NOX5: variants seen among roughly 807,000 people sequenced by gnomAD.
NOX5 encodes the protein NADPH oxidase, EF-hand calcium binding domain 5.
A neutral mutation model predicts 85.7 loss-of-function variants in NOX5; 76 were observed. The ratio of observed to expected loss-of-function variants is 0.89; its 90% CI spans 0.74 to 1.07. The LOEUF (loss-of-function observed/expected upper bound fraction) is 1.07. Among genes scored for constraint, NOX5 ranks in the 50% least tolerant of loss-of-function variants. The pLI, the probability that NOX5 is intolerant of heterozygous loss-of-function variation, is 0.00. For missense variants in NOX5, 973 were observed against 999.5 expected (o/e 0.97, Z 0.36); for synonymous variants, 405 against 401.4 (o/e 1.01, Z -0.11).
intron 14 of NOX5, 75 bp downstream of exon 14, chr15:69,049,133 T>C (rs2140278381): frequency 1.1e-6 from 1 of 923,836 alleles, no homozygotes. Flanking sequence ...AATAATTTAT[T>C]GATATGAAAC....
chr15:69,041,898 C>A (rs189406796), intron 9 of NOX5, among the ~76,000 whole-genome samples: 1 of 151,460 alleles, frequency 6.6e-6, no homozygotes, highest in South Asian at 2.1e-4. Flanking sequence ...AGTTCATCAG[C>A]TATTGTTAGT....
Position 69,026,511 on chromosome 15 carries a change from T to C in NOX5, c.51-17T>C. 4.3e-6 allele frequency: 7 copies of C among 1,613,938 alleles called. No individual in the cohort carries two copies. The highest frequency in any genetic ancestry group is 5.9e-6 in the Non-Finnish European group (7 of 1,179,894). ...TGGCCACCCCAAGCCCATAAACCTGTTTCCTTTGCCTCCCAGCACCATGAG... is the reference window on the plus strand; with the variant it reads ...TGGCCACCCCAAGCCCATAAACCTGCTTCCTTTGCCTCCCAGCACCATGAG... On this transcript the variant is annotated splice_polypyrimidine_tract_variant and intron_variant, in intron 1 of 15. Transcript: ENST00000388866.
chr15:69,032,172 C>G (rs1018332691), intron 4 of NOX5, among the ~76,000 whole-genome samples: 4 of 152,232 alleles, frequency 2.6e-5, no homozygotes, highest in African/African-American at 9.6e-5. Flanking sequence ...AATGTTTGAG[C>G]AGCTTCTATG....
intron 14 of NOX5, among the ~76,000 whole-genome samples, chr15:69,050,460 G>A (rs1463910896): frequency 2.0e-5 from 3 of 151,974 alleles, no homozygotes; most frequent in Admixed American, 1.3e-4. Context: ...GTGCAATCTC[G>A]GCTCACTGCA....
intron 11 of NOX5, 57 bp downstream of exon 11, chr15:69,046,923 G>A: frequency 6.3e-7 from 1 of 1,582,136 alleles, no homozygotes; most frequent in Non-Finnish European, 8.7e-7. Context: ...CAAAGGAAAT[G>A]AAGTCTTTGC....
chr15:69,026,159 A>T (rs1226752380), intron 1 of NOX5, among the ~76,000 whole-genome samples: 1 of 152,252 alleles, frequency 6.6e-6, no homozygotes, highest in African/African-American at 2.4e-5. Flanking sequence ...TTTGGAAAGC[A>T]GTAAAGATCT....
At chr15:69,018,243 G>A (rs2050254381) in intron 1 of NOX5, among the ~76,000 whole-genome samples, 2 of 152,120 alleles carry the variant, frequency 1.3e-5, no homozygotes, top group Admixed American at 1.3e-4. Context: ...TGGGCAAGGA[G>A]GCTGCAGGGC....
At chr15:69,043,125 T>C (rs1310592098) in intron 10 of NOX5, among the ~76,000 whole-genome samples, 1 of 152,232 alleles carries the variant, frequency 6.6e-6, no homozygotes, top group Non-Finnish European at 1.5e-5. Context: ...GCATGTCTTT[T>C]GGTTTGTTCA....
chr15:69,016,305 C>T (rs749398108), intron 1 of NOX5, among the ~76,000 whole-genome samples: 13 of 152,224 alleles, frequency 8.5e-5, no homozygotes, highest in Non-Finnish European at 1.6e-4. Flanking sequence ...TGCCTCATCT[C>T]ACCCCCCTCC....
chr15:69,047,059 C>A, intron 11 of NOX5, 193 bp downstream of exon 11: 1 of 618,230 alleles, frequency 1.6e-6, no homozygotes, highest in Non-Finnish European at 2.8e-6. Context: ...GGGTGCTCAG[C>A]CTCACCCTCA....
chr15:69,033,459 A>G (rs2050468559), intron 5 of NOX5, among the ~76,000 whole-genome samples, 182 bp downstream of exon 5: 2 of 152,208 alleles, frequency 1.3e-5, no homozygotes, highest in Admixed American at 1.3e-4. Context: ...TAGCTTGTCC[A>G]CAGTCACACA....
chr15:69,052,046 T>C (rs2050755914), intron 14 of NOX5, among the ~76,000 whole-genome samples: 1 of 152,050 alleles, frequency 6.6e-6, no homozygotes, highest in East Asian at 1.9e-4. Flanking sequence ...ATGCTGTCTC[T>C]ACAAAAAATG....
chr15:69,026,192 C>A (rs999284935), intron 1 of NOX5, among the ~76,000 whole-genome samples: 2 of 152,202 alleles, frequency 1.3e-5, no homozygotes, highest in Non-Finnish European at 2.9e-5. Context: ...GATGGAAAGT[C>A]ATTGTCATGA....
chr15:69,017,123 A>G (rs2050240858), intron 1 of NOX5, among the ~76,000 whole-genome samples: 1 of 151,892 alleles, frequency 6.6e-6, no homozygotes, highest in Admixed American at 6.6e-5. Context: ...TTATTTTAAC[A>G]TAGAAATTTC....
At chr15:69,019,185 A>G (rs2050267746) in intron 1 of NOX5, among the ~76,000 whole-genome samples, 1 of 151,978 alleles carries the variant, frequency 6.6e-6, no homozygotes, top group Admixed American at 6.6e-5. Context: ...TAATTGTCAT[A>G]CCCGGCAGTA....
intron 2 of NOX5, among the ~76,000 whole-genome samples, chr15:69,027,937 T>C (rs555283633): frequency 6.6e-6 from 1 of 152,102 alleles, no homozygotes; most frequent in Admixed American, 6.5e-5. Context: ...ATGGGGGTGA[T>C]TGTATGTAGG....
intron 5 of NOX5, among the ~76,000 whole-genome samples, chr15:69,034,146 G>A (rs1210688466): frequency 6.6e-6 from 1 of 152,182 alleles, no homozygotes; most frequent in East Asian, 1.9e-4. Context: ...CCCATCTCTA[G>A]CTCAGATACG....
intron 10 of NOX5, among the ~76,000 whole-genome samples, chr15:69,044,310 T>C (rs1051894100): frequency 5.9e-5 from 9 of 152,188 alleles, no homozygotes; most frequent in Non-Finnish European, 4.4e-5. Flanking sequence ...TGGAGATCTA[T>C]CAGTAAGCAA....
intron 1 of NOX5, among the ~76,000 whole-genome samples, chr15:69,016,173 T>G (rs1455878376): frequency 1.3e-5 from 2 of 152,044 alleles, no homozygotes; most frequent in African/African-American, 4.8e-5. Context: ...ATAAAGTGGC[T>G]GGCACACTGG....
Sources: allele counts gnomAD v4.1 joint callset (sites outside exome capture counted in the v4.1 genomes callset), GRCh38; gene constraint gnomAD v4.1.1; transcripts MANE v1.5; gene names NCBI Gene and HGNC (gene_info 2026-07-23, HGNC 2026-07-21).